The following ZNF532 variants were observed in gnomAD, a reference collection of about 807,000 sequenced individuals.
ZNF532 encodes zinc finger protein 532.
ZNF532 carries 22 observed loss-of-function variants against 89.3 expected under a neutral mutation model. The ratio of observed to expected loss-of-function variants is 0.25; its 90% CI spans 0.18 to 0.35. ZNF532 has a LOEUF of 0.35. Ranked by LOEUF, ZNF532 falls within the 10% of genes least tolerant of loss-of-function variation. ZNF532 has a pLI of 1.00. For missense variants in ZNF532, 1,132 were observed against 1,643.4 expected (o/e 0.69, Z 5.38); for synonymous variants, 606 against 649.6 (o/e 0.93, Z 1.02).
intron 3 of ZNF532, among the ~76,000 whole-genome samples, chr18:58,925,801 T>G (rs2061475435): frequency 1.3e-5 from 2 of 152,212 alleles, no homozygotes; most frequent in Admixed American, 1.3e-4. Flanking sequence ...GAGATTTAGG[T>G]GGAGGGTCAT....
chr18:58,891,652 T>C (rs985467735), intron 2 of ZNF532, among the ~76,000 whole-genome samples: 4 of 152,264 alleles, frequency 2.6e-5, no homozygotes, highest in East Asian at 1.9e-4. Context: ...GTCTGTGTTC[T>C]TGCATGTGTT....
At chr18:58,974,699 C>A (rs557890023) in intron 7 of ZNF532, among the ~76,000 whole-genome samples, 1 of 152,124 alleles carries the variant, frequency 6.6e-6, no homozygotes, top group Non-Finnish European at 1.5e-5. Flanking sequence ...TTCACCAGGG[C>A]CTCCCTCTCA....
chr18:58,905,418 T>TTA (rs397953538), intron 2 of ZNF532, among the ~76,000 whole-genome samples: 2 of 151,104 alleles, frequency 1.3e-5, no homozygotes, highest in African/African-American at 4.9e-5. Context: ...TTTTTTTTTT[T>TTA]AAGACAAGGT....
chr18:58,928,563 C>CT, intron 3 of ZNF532, among the ~76,000 whole-genome samples: 1 of 152,326 alleles, frequency 6.6e-6, no homozygotes, highest in South Asian at 2.1e-4. Flanking sequence ...AACCGAAAGC[C>CT]TGCTAGGCTG....
chr18:58,915,641 TTA>T (rs1187705613), intron 2 of ZNF532, among the ~76,000 whole-genome samples: 1 of 152,136 alleles, frequency 6.6e-6, no homozygotes, highest in Non-Finnish European at 1.5e-5. Flanking sequence ...GTGCATGCGT[TTA>T]TAAATCAGGA....
chr18:58,953,266 T>G, intron 6 of ZNF532: 1 of 335,956 alleles, frequency 3.0e-6, no homozygotes, highest in South Asian at 5.8e-5. Context: ...GGTCTTTCTT[T>G]AAAGAATTTT....
At chr18:58,932,008 GAT>G (rs1404384694) in intron 3 of ZNF532, among the ~76,000 whole-genome samples, 1 of 152,156 alleles carries the variant, frequency 6.6e-6, no homozygotes. Flanking sequence ...GGTGAATAAA[GAT>G]AGAAATGTGG....
At chr18:58,899,208 T>C (rs950233061) in intron 2 of ZNF532, among the ~76,000 whole-genome samples, 28 of 152,222 alleles carry the variant, frequency 1.8e-4, no homozygotes, top group African/African-American at 6.3e-4. Flanking sequence ...ACCTCTTGTA[T>C]TGGGCCAGCA....
chr18:58,925,810 A>AT lies in ZNF532; in HGVS notation c.2346+5183dup, dbSNP rs58308457. On this transcript the variant is annotated intron_variant, in intron 3 of 9. Transcript: ENST00000591808. ...AGGTGTGAGATTTAGGTGGAGGGTCATTTTTTCCCCCAATACTTGGCCATT... is the reference window on the plus strand; with the variant it reads ...AGGTGTGAGATTTAGGTGGAGGGTCATTTTTTTCCCCCAATACTTGGCCATT... 6.6e-5 allele frequency among the ~76,000 whole-genome samples: 10 copies of AT among 152,148 alleles called. No homozygotes were observed. The East Asian group carries it at 1.7e-3, about 26-fold the overall frequency.
At chr18:58,874,823 C>T (rs2057301876) in intron 2 of ZNF532, among the ~76,000 whole-genome samples, 1 of 152,168 alleles carries the variant, frequency 6.6e-6, no homozygotes, top group African/African-American at 2.4e-5. Flanking sequence ...GACCCTTTCC[C>T]CCGGCACTTC....
intron 2 of ZNF532, among the ~76,000 whole-genome samples, chr18:58,878,571 G>A (rs919703837): frequency 1.3e-5 from 2 of 152,264 alleles, no homozygotes; most frequent in African/African-American, 4.8e-5. Context: ...CTGAAGTGGA[G>A]CCAACTTCAC....
intron 2 of ZNF532, among the ~76,000 whole-genome samples, chr18:58,873,480 G>C (rs983693963): frequency 2.0e-5 from 3 of 150,894 alleles, no homozygotes; most frequent in Non-Finnish European, 4.4e-5. Flanking sequence ...ATGAAGTCTT[G>C]CTCTGTCGCC....
In ZNF532 at chr18:58,984,392, G is replaced by A; in HGVS notation, c.3832G>A (p.Ala1278Thr). Reference sequence around the variant, plus strand: ...CGCAAAAACTTTTGAAACTGAAGCTGCCTTAAATACTCACATGCGGACACA... The same window carrying A: ...CGCAAAAACTTTTGAAACTGAAGCTACCTTAAATACTCACATGCGGACACA... ...VCAKTFETEA[A>T]LNTHMRTHGM... The change falls in exon 10 of 10, where the codon GCC becomes ACC. Residue 1278 changes from alanine (A) to threonine (T), a missense_variant. Ala to Thr is a moderately conservative substitution (Grantham distance 58, BLOSUM62 0). This residue lies in a region of ZNF532 where 415 missense variants were observed against 604.8 expected (regional missense o/e 0.69). Transcript: ENST00000591808. The A allele has an allele frequency of 1.2e-6, 2 of 1,612,006 alleles. No individual in the cohort carries two copies. Among genetic ancestry groups the A allele is most frequent in the Non-Finnish European group, 1.7e-6 (2 of 1,179,846 alleles).
In ZNF532 at chr18:58,880,763, C is replaced by CTGTGTGTGTGT. The variant is rs770638520; in HGVS notation, c.-18+15184_-18+15185insTGTGTGTGTGT. Among the ~76,000 whole-genome samples, 151 of 119,678 alleles carry CTGTGTGTGTGT rather than the reference C, an allele frequency of 1.3e-3. 1 individual carries two copies. The highest frequency in any genetic ancestry group is 1.7e-3 in the South Asian group (5 of 2,916). The allele number at this position is 119,678 out of a possible 152,430, so 78.5% of individuals were successfully genotyped here. Reference sequence around the variant, plus strand: ...GAGCCCTCTCATAGGCGCGCGCGCACGCGCGCGCGTCTGTGTGTGTGTGTG... The same window carrying CTGTGTGTGTGT: ...GAGCCCTCTCATAGGCGCGCGCGCACTGTGTGTGTGTGCGCGCGCGTCTGTGTGTGTGTGTG... On this transcript the variant is annotated intron_variant, in intron 2 of 9. Transcript: ENST00000591808.
intron 9 of ZNF532, among the ~76,000 whole-genome samples, chr18:58,983,672 C>T (rs2068101952): frequency 6.6e-6 from 1 of 151,996 alleles, no homozygotes; most frequent in African/African-American, 2.4e-5. Flanking sequence ...TGCATATTTT[C>T]TCATTTGTTT....
chr18:58,946,767 C>G (rs2063700572), intron 5 of ZNF532, among the ~76,000 whole-genome samples: 1 of 152,152 alleles, frequency 6.6e-6, no homozygotes, highest in Non-Finnish European at 1.5e-5. Flanking sequence ...CCCCCTCCCC[C>G]AAGGGTACTT....
In ZNF532 at chr18:58,953,779, G is replaced by A. The variant is rs375133893; in HGVS notation, c.3130G>A (p.Val1044Met). ...GCAGAGAGATGTGTACATATCCCACGTGAGGAAGGAGCACGGGAAGGTCAG... is the reference window on the plus strand; with the variant it reads ...GCAGAGAGATGTGTACATATCCCACATGAGGAAGGAGCACGGGAAGGTCAG... The part of the protein sequence containing the change: ...FMQRDVYISH[V>M]RKEHGKQMKK... Residue 1044 changes from valine (V) to methionine (M), a missense_variant, in exon 7 of 10, where the codon GTG (valine) becomes ATG (methionine). Coordinates refer to ENST00000591808, the MANE Select transcript of ZNF532 (RefSeq NM_001375912.1). The A allele has an allele frequency of 1.7e-4, 282 of 1,612,840 alleles. No homozygotes were observed. The highest frequency in any genetic ancestry group is 2.3e-4 in the Non-Finnish European group (273 of 1,179,044).
chr18:58,888,889 TTTTATA>T (rs1480284124), intron 2 of ZNF532, among the ~76,000 whole-genome samples: 985 of 39,396 alleles, frequency 0.025, 74 homozygotes, highest in African/African-American at 0.11. Flanking sequence ...TATATATATA[TTTTATA>T]TATATATATA....
intron 4 of ZNF532, among the ~76,000 whole-genome samples, chr18:58,936,305 G>C (rs563182312): frequency 2.0e-5 from 3 of 152,320 alleles, no homozygotes; most frequent in South Asian, 4.1e-4. Context: ...ATCACGTTTT[G>C]AAACTATTAT....
Sources: gnomAD v4.1 joint callset for allele counts (sites outside exome capture counted in the v4.1 genomes callset) on GRCh38, gnomAD v4.1.1 for gene constraint, gnomAD v4.1.1 regional missense constraint, MANE v1.5 for transcripts, NCBI Gene and HGNC (gene_info 2026-07-23, HGNC 2026-07-21) for gene names.